The following MPP3 variants were observed in gnomAD, a reference collection of about 807,000 sequenced individuals.
MPP3 encodes MAGUK p55 subfamily member 3.
A neutral mutation model predicts 80.7 loss-of-function variants in MPP3; 48 were observed. The observed-to-expected ratio is 0.59, with a 90% CI of 0.47 to 0.76. The LOEUF (loss-of-function observed/expected upper bound fraction) is 0.76, where lower values mean the gene tolerates loss of function less well. Ranked by LOEUF, MPP3 falls within the 30% of genes least tolerant of loss-of-function variation. MPP3 has a pLI of 0.00. For synonymous variants in MPP3, 311 were observed against 297.6 expected (o/e 1.04, Z -0.46); for missense variants, 620 against 763.0 (o/e 0.81, Z 2.21).
chr17:43,827,363 T>C (rs2045761312), intron 8 of MPP3, among the ~76,000 whole-genome samples: 2 of 143,320 alleles, frequency 1.4e-5, no homozygotes, highest in African/African-American at 5.2e-5. Flanking sequence ...AGTCTCACTC[T>C]GTTGCCCAGA....
intron 13 of MPP3, among the ~76,000 whole-genome samples, chr17:43,816,364 T>C (rs1288095761): frequency 2.6e-5 from 4 of 152,186 alleles, no homozygotes; most frequent in Admixed American, 6.5e-5. Context: ...AGGGAGGGAT[T>C]CACTCCAGCC....
At position 43,825,424 on chromosome 17, in the gene MPP3, G is replaced by C. The variant is rs1245562993; in HGVS notation, c.609+332C>G. On this transcript the variant is annotated intron_variant, in intron 9 of 19. Coordinates refer to ENST00000398389, the MANE Select transcript of MPP3 (RefSeq NM_001932.6). ...GGAAACTCAGATGATCTGATGGCTT[G>C]TCCAAGGTTGCACAGCTGGAAGGAG... 1.2e-5 allele frequency: 3 copies of C among 244,356 alleles called. No individual in the cohort carries two copies. The East Asian group carries it at 2.7e-4, about 22-fold the overall frequency. 15.1% of individuals were successfully genotyped at this position (244,356 alleles called of 1,614,324 possible).
intron 5 of MPP3, among the ~76,000 whole-genome samples, chr17:43,830,699 C>T (rs1457419124): frequency 6.6e-6 from 1 of 152,198 alleles, no homozygotes; most frequent in Non-Finnish European, 1.5e-5. Flanking sequence ...CTCCCCAGGC[C>T]ATCTCCTGGG....
intron 2 of MPP3, chr17:43,832,341 C>T (rs1444548433): frequency 8.5e-6 from 2 of 235,674 alleles, no homozygotes; most frequent in Middle Eastern, 1.5e-3. Flanking sequence ...AGCTGTCCTC[C>T]GCAGCGCGCC....
intron 9 of MPP3, among the ~76,000 whole-genome samples, chr17:43,824,321 G>A (rs1304479609): frequency 3.3e-5 from 5 of 152,148 alleles, no homozygotes; most frequent in East Asian, 1.9e-4. Flanking sequence ...AGGACACTAC[G>A]TGTTGAATTC....
At chr17:43,827,672 G>T in intron 8 of MPP3, 79 bp downstream of exon 8, 1 of 1,358,006 alleles carries the variant, frequency 7.4e-7, no homozygotes, top group Non-Finnish European at 1.0e-6. Context: ...GAGGTAAGGG[G>T]ACCTATTAGC....
intron 19 of MPP3, among the ~76,000 whole-genome samples, chr17:43,803,700 A>T (rs1483011122): frequency 1.3e-5 from 2 of 152,210 alleles, no homozygotes; most frequent in Non-Finnish European, 2.9e-5. Flanking sequence ...GTCTGCCAAC[A>T]TACATCAAAA....
At chr17:43,822,328 A>G (rs1385806890) in intron 10 of MPP3, among the ~76,000 whole-genome samples, 1 of 152,184 alleles carries the variant, frequency 6.6e-6, no homozygotes, top group Non-Finnish European at 1.5e-5. Flanking sequence ...CCTCTGTGCT[A>G]GATGCTGTAA....
At position 43,827,824 on chromosome 17, in the gene MPP3, G is replaced by C. The variant is rs1463106332; in HGVS notation, c.450C>G (p.Thr150=). ...LVKNKEPLGA[T]IRRDEHSGAV... is the part of the protein sequence containing the mutation. ...CCCCTGAGTGCTCGTCCCGCCGGAT[G>C]GTGGCACCCTGAACCCGAGACAGAA... Residue 150 remains threonine, a synonymous_variant, in exon 8 of 20, where the codon ACC becomes ACG. Transcript: ENST00000398389. The C allele has an allele frequency of 6.2e-7, 1 of 1,613,220 alleles. No individual in the cohort carries two copies. Among genetic ancestry groups the C allele is most frequent in the Admixed American group, 1.7e-5 (1 of 60,014 alleles).
Position 43,808,951 on chromosome 17 carries a change from C to G in MPP3, c.1581+5G>C. 1 of 1,589,924 alleles carries G rather than the reference C, an allele frequency of 6.3e-7. No homozygotes were observed. Among genetic ancestry groups the G allele is most frequent in the South Asian group, 1.2e-5 (1 of 85,930 alleles). On this transcript the variant is annotated splice_donor_5th_base_variant and intron_variant, in intron 19 of 19. Coordinates refer to ENST00000398389, the MANE Select transcript of MPP3 (RefSeq NM_001932.6). ...CAGAAAAGAAACAATCAACTTTAAA[C>G]TTACAAATGGGGCTGCTGTGTCCTC...
intron 18 of MPP3, 57 bp downstream of exon 18, chr17:43,810,750 A>T (rs2044818091): frequency 8.4e-7 from 1 of 1,189,768 alleles, no homozygotes; most frequent in South Asian, 1.4e-5. Context: ...TAAAATGTAC[A>T]ATCCCCTAGT....
intron 14 of MPP3, chr17:43,815,828 C>T (rs1040136711): frequency 1.5e-6 from 1 of 668,288 alleles, no homozygotes; most frequent in Non-Finnish European, 2.7e-6. Flanking sequence ...GTGTGCCCCA[C>T]AGCTGGGTAA....
intron 8 of MPP3, among the ~76,000 whole-genome samples, chr17:43,827,061 G>A (rs2045737692): frequency 1.3e-5 from 2 of 151,662 alleles, no homozygotes; most frequent in South Asian, 4.2e-4. Flanking sequence ...TGTTGCCCAG[G>A]CGGGAGCGCA....
chr17:43,809,107 T>A, intron 18 of MPP3, 29 bp from the exon 19 acceptor site: 1 of 1,569,220 alleles, frequency 6.4e-7, no homozygotes, highest in Non-Finnish European at 8.6e-7. Flanking sequence ...GAATATTATA[T>A]ACTTTTGAAG....
intron 10 of MPP3, among the ~76,000 whole-genome samples, chr17:43,821,587 G>A (rs1425512593): frequency 6.6e-6 from 1 of 152,194 alleles, no homozygotes; most frequent in African/African-American, 2.4e-5. Flanking sequence ...CAGCTCTTAC[G>A]GCTCAATCCT....
chr17:43,817,315 A>G (rs1223086076), intron 12 of MPP3, among the ~76,000 whole-genome samples: 1 of 152,168 alleles, frequency 6.6e-6, no homozygotes, highest in Non-Finnish European at 1.5e-5. Flanking sequence ...GTGACCCTAC[A>G]TATTCCCAGC....
At position 43,811,042 on chromosome 17, in the gene MPP3, G is replaced by C. The variant is rs865930239; in HGVS notation, c.1349+70C>G. Reference sequence around the variant, plus strand: ...ATCCTTTCCGGGAGTCCTCCCAGGAGCTCTAGTGGAATACAGATACAAAAA... The same window carrying C: ...ATCCTTTCCGGGAGTCCTCCCAGGACCTCTAGTGGAATACAGATACAAAAA... On this transcript the variant is annotated intron_variant, in intron 17 of 19. Coordinates refer to ENST00000398389, the MANE Select transcript of MPP3 (RefSeq NM_001932.6). 1.5e-5 allele frequency: 22 copies of C among 1,484,206 alleles called. No homozygotes were observed. The South Asian group carries it at 2.4e-4, about 16-fold the overall frequency. 91.9% of individuals were successfully genotyped at this position (1,484,206 alleles called of 1,614,324 possible).
intron 16 of MPP3, 59 bp from the exon 17 acceptor site, chr17:43,811,264 A>C: frequency 7.3e-7 from 1 of 1,365,306 alleles, no homozygotes; most frequent in South Asian, 1.2e-5. Flanking sequence ...ACGCAGGGAC[A>C]GCAGCAGGCT....
chr17:43,813,199 C>A (rs1325221016), intron 16 of MPP3, among the ~76,000 whole-genome samples: 1 of 152,146 alleles, frequency 6.6e-6, no homozygotes, highest in Non-Finnish European at 1.5e-5. Context: ...CATTGTGCAT[C>A]CTCGTTAAGA....
Sources: gnomAD v4.1 joint callset for allele counts (sites outside exome capture counted in the v4.1 genomes callset) on GRCh38, gnomAD v4.1.1 for gene constraint, MANE v1.5 for transcripts, NCBI Gene and HGNC (gene_info 2026-07-23, HGNC 2026-07-21) for gene names.